AGBL4: variants seen among roughly 807,000 people sequenced by gnomAD.
AGBL4 encodes the protein cytosolic carboxypeptidase 6.
In AGBL4, 58 loss-of-function variants were observed where a neutral mutation model predicts 66.4. The ratio of observed to expected loss-of-function variants is 0.87; its 90% CI spans 0.71 to 1.09. AGBL4 has a LOEUF of 1.09. Ranked by LOEUF, AGBL4 falls within the 50% of genes least tolerant of loss-of-function variation. The pLI, the probability that AGBL4 is intolerant of heterozygous loss-of-function variation, is 0.00. For missense variants in AGBL4, 579 were observed against 631.0 expected (o/e 0.92, Z 0.88); for synonymous variants, 234 against 222.9 (o/e 1.05, Z -0.44).
chr1:49,995,475 C>T (rs1213091992), intron 1 of AGBL4: 1 of 354,324 alleles, frequency 2.8e-6, no homozygotes, highest in Non-Finnish European at 5.6e-6. Flanking sequence ...CCCCATACCC[C>T]ACAGGGGCTG....
chr1:49,592,160 A>G (rs1235799291), intron 3 of AGBL4, among the ~76,000 whole-genome samples: 6 of 151,974 alleles, frequency 3.9e-5, no homozygotes, highest in South Asian at 2.1e-4. Context: ...AACCTACAGA[A>G]TGGAAGAAAA....
At chr1:49,797,085 G>A (rs1644749656) in intron 2 of AGBL4, among the ~76,000 whole-genome samples, 1 of 152,128 alleles carries the variant, frequency 6.6e-6, no homozygotes, top group African/African-American at 2.4e-5. Context: ...GTACTACATA[G>A]TCTAAATCTG....
At chr1:48,670,647 T>C (rs1296486493) in intron 6 of AGBL4, among the ~76,000 whole-genome samples, 4 of 152,210 alleles carry the variant, frequency 2.6e-5, no homozygotes, top group Admixed American at 2.6e-4. Flanking sequence ...GGCTGGAACC[T>C]AGGCCTGGGA....
chr1:48,710,707 C>T (rs542460636), intron 6 of AGBL4, among the ~76,000 whole-genome samples: 167 of 152,274 alleles, frequency 1.1e-3, no homozygotes, highest in Non-Finnish European at 1.9e-3. Context: ...GCAGGGAAAC[C>T]AGGAGCCTTC....
chr1:48,900,044 T>C (rs1651933854), intron 5 of AGBL4, among the ~76,000 whole-genome samples: 1 of 152,122 alleles, frequency 6.6e-6, no homozygotes, highest in Non-Finnish European at 1.5e-5. Context: ...TTTGGAGTTA[T>C]GAAGGCAAAG....
chr1:48,535,062 A>G (rs980843212), intron 12 of AGBL4, 146 bp from the exon 13 acceptor site: 2 of 802,204 alleles, frequency 2.5e-6, no homozygotes. Context: ...TTATGGGGAA[A>G]AAGAAGAGGG....
intron 6 of AGBL4, among the ~76,000 whole-genome samples, chr1:48,863,844 T>G (rs1647722051): frequency 6.6e-6 from 1 of 152,146 alleles, no homozygotes; most frequent in Admixed American, 6.5e-5. Context: ...CTTGAGAAAT[T>G]TTAGAAGTAA....
At chr1:49,189,615 G>A (rs1210441099) in intron 4 of AGBL4, among the ~76,000 whole-genome samples, 2 of 152,088 alleles carry the variant, frequency 1.3e-5, no homozygotes, top group African/African-American at 4.8e-5. Context: ...TTGGTCATCA[G>A]TTTCCTAATC....
At chr1:49,306,403 T>C (rs1164122279) in intron 3 of AGBL4, among the ~76,000 whole-genome samples, 1 of 152,212 alleles carries the variant, frequency 6.6e-6, no homozygotes, top group Non-Finnish European at 1.5e-5. Flanking sequence ...AACAGGTATA[T>C]GTCTGTCTCT....
At chr1:49,347,252 C>CTTTTT (rs35313917) in intron 3 of AGBL4, among the ~76,000 whole-genome samples, 1 of 115,864 alleles carries the variant, frequency 8.6e-6, no homozygotes, top group East Asian at 2.3e-4. Context: ...TTCTTTCTTT[C>CTTTTT]TTTTTTTTTT....
At chr1:48,889,797 C>T (rs1650745287) in intron 5 of AGBL4, among the ~76,000 whole-genome samples, 2 of 152,154 alleles carry the variant, frequency 1.3e-5, no homozygotes, top group Admixed American at 1.3e-4. Context: ...GTTGAATCCC[C>T]TATAGCAGGC....
At chr1:49,918,035 A>C (rs1651753742) in intron 1 of AGBL4, among the ~76,000 whole-genome samples, 1 of 152,230 alleles carries the variant, frequency 6.6e-6, no homozygotes, top group African/African-American at 2.4e-5. Flanking sequence ...TTTGAAACCA[A>C]TGAGAACAAA....
At chr1:49,513,886 G>T (rs997817829) in intron 3 of AGBL4, among the ~76,000 whole-genome samples, 1 of 151,968 alleles carries the variant, frequency 6.6e-6, no homozygotes, top group Non-Finnish European at 1.5e-5. Context: ...GCATAAGCAG[G>T]GTTGCTATAT....
intron 3 of AGBL4, among the ~76,000 whole-genome samples, chr1:49,361,851 A>G (rs1035990681): frequency 6.6e-6 from 1 of 152,032 alleles, no homozygotes; most frequent in Admixed American, 6.6e-5. Flanking sequence ...GATAACTTTT[A>G]AAGTTTACCT....
At chr1:49,587,035 G>A (rs902560243) in intron 3 of AGBL4, among the ~76,000 whole-genome samples, 8 of 152,052 alleles carry the variant, frequency 5.3e-5, no homozygotes, top group African/African-American at 1.9e-4. Flanking sequence ...CCTGAGGTCA[G>A]GAGTTCAAGA....
intron 1 of AGBL4, among the ~76,000 whole-genome samples, chr1:50,013,068 G>A (rs1661672714): frequency 1.3e-5 from 2 of 152,050 alleles, no homozygotes; most frequent in Admixed American, 1.3e-4. Context: ...TGTCTATTAA[G>A]TTCCTTAATT....
chr1:49,011,434 G>C (rs1662398233), intron 5 of AGBL4, among the ~76,000 whole-genome samples: 1 of 152,200 alleles, frequency 6.6e-6, no homozygotes, highest in African/African-American at 2.4e-5. Context: ...CTGTTGGTGG[G>C]ACTGTAAACT....
intron 1 of AGBL4, among the ~76,000 whole-genome samples, chr1:49,868,155 C>A (rs905406485): frequency 1.3e-5 from 2 of 152,168 alleles, no homozygotes; most frequent in African/African-American, 4.8e-5. Context: ...ACATTTCATC[C>A]TCATGGATAG....
chr1:49,139,921 C>T (rs1455754765), intron 4 of AGBL4, among the ~76,000 whole-genome samples: 2 of 152,150 alleles, frequency 1.3e-5, no homozygotes, highest in Non-Finnish European at 2.9e-5. Flanking sequence ...TTTTTGCTTA[C>T]TGTCTCCTTC....
Sources: gnomAD v4.1 joint callset for allele counts (sites outside exome capture counted in the v4.1 genomes callset) on GRCh38, gnomAD v4.1.1 for gene constraint, MANE v1.5 for transcripts, NCBI Gene and HGNC (gene_info 2026-07-23, HGNC 2026-07-21) for gene names.